Variants in POC1A observed in about 807,000 individuals in gnomAD.
POC1A encodes the protein POC1 centriolar protein A.
A neutral mutation model predicts 47.8 loss-of-function variants in POC1A; 34 were observed. The ratio of observed to expected loss-of-function variants is 0.71; its 90% CI spans 0.54 to 0.95. The LOEUF (loss-of-function observed/expected upper bound fraction) is 0.95, where lower values mean the gene tolerates loss of function less well. Ranked by LOEUF, POC1A falls within the 40% of genes least tolerant of loss-of-function variation. POC1A has a pLI of 0.00. For synonymous variants in POC1A, 177 were observed against 207.6 expected (o/e 0.85, Z 1.27); for missense variants, 466 against 528.3 (o/e 0.88, Z 1.16).
intron 7 of POC1A, among the ~76,000 whole-genome samples, chr3:52,136,380 C>G (rs953443097): frequency 2.6e-5 from 4 of 152,166 alleles, no homozygotes; most frequent in African/African-American, 9.7e-5. Context: ...CTCAGCCAGC[C>G]TAACTCGTCT....
chr3:52,083,507 T>C (rs942342512), intron 10 of POC1A, among the ~76,000 whole-genome samples: 12 of 152,178 alleles, frequency 7.9e-5, no homozygotes, highest in Non-Finnish European at 1.6e-4. Context: ...CTCCTCCCAG[T>C]GTGACCTCCC....
intron 7 of POC1A, among the ~76,000 whole-genome samples, chr3:52,130,229 G>A (rs1159503824): frequency 6.6e-6 from 1 of 152,256 alleles, no homozygotes; most frequent in East Asian, 1.9e-4. Flanking sequence ...CTCAGTCAGA[G>A]GGAAAAGCAG....
In POC1A at chr3:52,100,153, A is replaced by G. The variant is rs1049681387; in HGVS notation, c.982-3441T>C. The stretch of plus-strand genomic sequence containing the variant: ...GCTTTTCATACACCACCAGGAGCTC[A>G]TCACTTCACACACAGTAGGAATTGC... On this transcript the variant is annotated intron_variant, in intron 9 of 10. Coordinates refer to ENST00000296484, the MANE Select transcript of POC1A (RefSeq NM_015426.5). Among the ~76,000 whole-genome samples the G allele has an allele frequency of 3.7e-4, 57 of 152,206 alleles. 1 individual carries two copies. The highest frequency in any genetic ancestry group is 1.2e-3 in the African/African-American group (49 of 41,442).
chr3:52,135,219 C>G (rs930762004), intron 7 of POC1A, among the ~76,000 whole-genome samples: 4 of 152,204 alleles, frequency 2.6e-5, no homozygotes, highest in African/African-American at 9.7e-5. Flanking sequence ...CGGATTTCTA[C>G]CCCCAGCTGG....
chr3:52,111,060 G>C (rs901816850), intron 9 of POC1A, among the ~76,000 whole-genome samples: 1 of 152,198 alleles, frequency 6.6e-6, no homozygotes, highest in Non-Finnish European at 1.5e-5. Context: ...CTGTCTTCCT[G>C]ATACTGTGAT....
At chr3:52,104,371 T>C (rs1400217590) in intron 9 of POC1A, among the ~76,000 whole-genome samples, 7 of 152,226 alleles carry the variant, frequency 4.6e-5, no homozygotes, top group Admixed American at 4.6e-4. Context: ...TTTGGGATGA[T>C]GGAAAGATTC....
chr3:52,131,960 C>G (rs1055773604), intron 7 of POC1A, among the ~76,000 whole-genome samples: 1 of 152,160 alleles, frequency 6.6e-6, no homozygotes, highest in African/African-American at 2.4e-5. Context: ...GGACTGCCCA[C>G]CCACTCAGCA....
chr3:52,138,277 G>A lies in POC1A; in HGVS notation c.705C>T (p.Leu235=), dbSNP rs759367200. The A allele has an allele frequency of 6.2e-7, 1 of 1,613,662 alleles. No individual in the cohort carries two copies. Among genetic ancestry groups the A allele is most frequent in the East Asian group, 2.2e-5 (1 of 44,866 alleles). ...GGTAGTTTCCCGACGGGTGGAAAGA[G>A]AGCCCGTTCACTGCTGCACTGTGCA... is the stretch of plus-strand genomic sequence containing the variant. The part of the protein sequence containing the change: ...YQLHSAAVNG[L]SFHPSGNYLI... Residue 235 remains leucine (L), a synonymous_variant, in exon 7 of 11, where the codon CTC becomes CTT. Coordinates refer to ENST00000296484, the MANE Select transcript of POC1A (RefSeq NM_015426.5).
chr3:52,136,537 AC>A (rs1400389129), intron 7 of POC1A, among the ~76,000 whole-genome samples: 1 of 152,164 alleles, frequency 6.6e-6, no homozygotes, highest in African/African-American at 2.4e-5. Context: ...GAACAAACAG[AC>A]AGATGGCAAA....
chr3:52,150,747 G>A (rs1698529234), intron 2 of POC1A, among the ~76,000 whole-genome samples: 1 of 152,146 alleles, frequency 6.6e-6, no homozygotes, highest in African/African-American at 2.4e-5. Flanking sequence ...GCTAGGGTGT[G>A]CAGAAAAGAC....
Position 52,075,717 on chromosome 3 carries a change from G to T in POC1A, c.*170C>A, listed in dbSNP as rs899136095. ...GGGACCTCTGGCTGCCAGGTGGAGA[G>T]CCTCCTGGTGCAGATAGCAAGGTGG... On this transcript the variant is annotated 3_prime_UTR_variant, in exon 11 of 11. Transcript: ENST00000296484. 8.5e-6 allele frequency: 5 copies of T among 589,054 alleles called. No homozygotes were observed. Among genetic ancestry groups the T allele is most frequent in the Non-Finnish European group, 1.6e-5 (5 of 318,712 alleles). The allele number at this position is 589,054 out of a possible 1,614,324, so 36.5% of individuals were successfully genotyped here.
At chr3:52,082,177 G>A (rs553590968) in intron 10 of POC1A, among the ~76,000 whole-genome samples, 1 of 152,248 alleles carries the variant, frequency 6.6e-6, no homozygotes, top group Non-Finnish European at 1.5e-5. Context: ...GGGTGAGGAG[G>A]GAAGGAAGAG....
At chr3:52,087,449 A>G (rs1462167759) in intron 10 of POC1A, among the ~76,000 whole-genome samples, 1 of 152,182 alleles carries the variant, frequency 6.6e-6, no homozygotes, top group Non-Finnish European at 1.5e-5. Context: ...AAACAACAGA[A>G]AATGAGCTTT....
At chr3:52,085,589 G>C (rs1702434361) in intron 10 of POC1A, among the ~76,000 whole-genome samples, 3 of 152,142 alleles carry the variant, frequency 2.0e-5, no homozygotes, top group African/African-American at 7.2e-5. Context: ...CCCGCTGCTA[G>C]GATGCCTGCC....
intron 6 of POC1A, among the ~76,000 whole-genome samples, chr3:52,143,943 G>A (rs1698282876): frequency 6.6e-6 from 1 of 152,096 alleles, no homozygotes; most frequent in Admixed American, 6.5e-5. Flanking sequence ...CCAGGCCCAG[G>A]CTCCTGATCC....
At chr3:52,119,354 A>G (rs898589309) in intron 9 of POC1A, among the ~76,000 whole-genome samples, 6 of 151,002 alleles carry the variant, frequency 4.0e-5, no homozygotes, top group Admixed American at 3.9e-4. Flanking sequence ...GCTGGGGACA[A>G]TTCTGCCCAC....
chr3:52,110,901 C>T (rs1173883871), intron 9 of POC1A, among the ~76,000 whole-genome samples: 1 of 152,226 alleles, frequency 6.6e-6, no homozygotes, highest in Non-Finnish European at 1.5e-5. Context: ...AAAAGGAAAA[C>T]CCAAAACAGT....
intron 9 of POC1A, among the ~76,000 whole-genome samples, chr3:52,117,940 A>G (rs1323012593): frequency 2.0e-5 from 3 of 152,260 alleles, no homozygotes; most frequent in Admixed American, 6.5e-5. Context: ...AAGATCAGCC[A>G]AGATACAGGG....
At chr3:52,106,180 CAAAAAAAAAAAAA>C (rs11350232) in intron 9 of POC1A, among the ~76,000 whole-genome samples, 1 of 73,576 alleles carries the variant, frequency 1.4e-5, no homozygotes, top group Non-Finnish European at 2.7e-5. Context: ...GACTACGTCT[CAAAAAAAAAAAAA>C]AAAAAAAAAG....
Sources: allele counts gnomAD v4.1 joint callset (sites outside exome capture counted in the v4.1 genomes callset), GRCh38; gene constraint gnomAD v4.1.1; transcripts MANE v1.5; gene names NCBI Gene and HGNC (gene_info 2026-07-23, HGNC 2026-07-21).